SORCS2: variants seen among roughly 807,000 people sequenced by gnomAD.
SORCS2 encodes the protein VPS10 domain-containing receptor SorCS2.
A neutral mutation model predicts 141.6 loss-of-function variants in SORCS2; 100 were observed. That is an observed-to-expected ratio of 0.71 (90% CI 0.60 to 0.83). The LOEUF is 0.83. Ranked by LOEUF, SORCS2 falls within the 40% of genes least tolerant of loss-of-function variation. SORCS2 has a pLI of 0.00. For synonymous variants in SORCS2, 789 were observed against 676.9 expected (o/e 1.17, Z -2.57); for missense variants, 1,646 against 1,560.2 (o/e 1.05, Z -0.93).
rs1716671912 is a variant in SORCS2, at chr4:7,588,231, A to G, written c.649-50097A>G. Among the ~76,000 whole-genome samples the G allele has an allele frequency of 3.3e-5, 5 of 152,202 alleles. No homozygotes were observed. The South Asian group carries it at 1.0e-3, about 32-fold the overall frequency. On this transcript the variant is annotated intron_variant, in intron 3 of 26. Transcript: ENST00000507866. ...AAACCGCATTGAGAGCCCATTTCTC[A>G]AGTGTCACTTTGGAGCCGGCTTCGG...
At chr4:7,416,536 AC>A (rs1401828979) in intron 2 of SORCS2, among the ~76,000 whole-genome samples, 1 of 152,088 alleles carries the variant, frequency 6.6e-6, no homozygotes, top group Non-Finnish European at 1.5e-5. Flanking sequence ...ACACTCACAC[AC>A]GCCCACACGT....
At chr4:7,618,671 GC>G (rs1462611929) in intron 3 of SORCS2, among the ~76,000 whole-genome samples, 1 of 152,086 alleles carries the variant, frequency 6.6e-6, no homozygotes, top group Admixed American at 6.5e-5. Context: ...TGCCTAGGAG[GC>G]TTTTCTGCCT....
At chr4:7,552,425 G>A (rs1713782104) in intron 3 of SORCS2, among the ~76,000 whole-genome samples, 1 of 152,130 alleles carries the variant, frequency 6.6e-6, no homozygotes, top group Non-Finnish European at 1.5e-5. Flanking sequence ...CCACACAGAG[G>A]CTCCACTAGA....
chr4:7,441,129 G>A (rs750993819), intron 2 of SORCS2, among the ~76,000 whole-genome samples: 18 of 152,188 alleles, frequency 1.2e-4, no homozygotes, highest in Non-Finnish European at 2.4e-4. Flanking sequence ...AAGGGCGAAG[G>A]CCCCAGTGTG....
chr4:7,261,416 A>G (rs1714310851), intron 1 of SORCS2, among the ~76,000 whole-genome samples: 1 of 152,218 alleles, frequency 6.6e-6, no homozygotes, highest in Admixed American at 6.5e-5. Context: ...TTTGTCTGCC[A>G]TGCCTGCGTG....
At chr4:7,203,239 C>G (rs1448663066) in intron 1 of SORCS2, among the ~76,000 whole-genome samples, 1 of 152,194 alleles carries the variant, frequency 6.6e-6, no homozygotes, top group Non-Finnish European at 1.5e-5. Context: ...TGAGATCAGC[C>G]TGGCCAACAT....
intron 2 of SORCS2, among the ~76,000 whole-genome samples, chr4:7,400,384 A>G (rs555114240): frequency 1.3e-5 from 2 of 151,990 alleles, no homozygotes; most frequent in East Asian, 3.9e-4. Flanking sequence ...TTCCCTCACT[A>G]CTCAGTGCAA....
At chr4:7,689,690 G>A in intron 11 of SORCS2, 102 bp downstream of exon 11, 1 of 1,133,838 alleles carries the variant, frequency 8.8e-7, no homozygotes. Context: ...TGAGGCCATA[G>A]TATGTCCTTT....
intron 2 of SORCS2, among the ~76,000 whole-genome samples, chr4:7,505,952 G>A (rs778224802): frequency 1.4e-4 from 22 of 152,248 alleles, no homozygotes; most frequent in African/African-American, 4.3e-4. Context: ...CTCCACTTCC[G>A]CGGCTATAAA....
intron 2 of SORCS2, among the ~76,000 whole-genome samples, chr4:7,443,796 C>T (rs1046471792): frequency 3.3e-5 from 5 of 152,252 alleles, no homozygotes; most frequent in African/African-American, 9.6e-5. Flanking sequence ...CCCATGTGGC[C>T]TGGCCTCCTC....
chr4:7,347,187 C>A (rs910473003), intron 1 of SORCS2, among the ~76,000 whole-genome samples: 20 of 152,150 alleles, frequency 1.3e-4, no homozygotes, highest in African/African-American at 4.8e-4. Flanking sequence ...CTCCTTCAAG[C>A]CTTTGTGTTT....
chr4:7,556,186 C>T lies in SORCS2; in HGVS notation c.648+24557C>T, dbSNP rs148403170. ...AGGTGAGGGGTGATGGGGGTCTGGA[C>T]AGTGGGGCTGGGTTTTGGCAATGGG... On this transcript the variant is annotated intron_variant, in intron 3 of 26. Transcript: ENST00000507866. Among the ~76,000 whole-genome samples, 333 of 152,252 alleles carry T rather than the reference C, an allele frequency of 2.2e-3. 3 individuals carry two copies. The highest frequency in any genetic ancestry group is 0.013 in the South Asian group (64 of 4,824).
intron 14 of SORCS2, among the ~76,000 whole-genome samples, chr4:7,705,209 G>T (rs1380942657): frequency 6.6e-6 from 1 of 152,120 alleles, no homozygotes; most frequent in Non-Finnish European, 1.5e-5. Context: ...GTGGAGCTGT[G>T]CAGCTGCAAG....
chr4:7,704,887 G>A (rs1340870624), intron 14 of SORCS2, among the ~76,000 whole-genome samples: 1 of 152,192 alleles, frequency 6.6e-6, no homozygotes, highest in African/African-American at 2.4e-5. Flanking sequence ...TGTGAGCCCA[G>A]CTGATTCACA....
At chr4:7,408,206 T>G (rs1311252018) in intron 2 of SORCS2, among the ~76,000 whole-genome samples, 3 of 152,172 alleles carry the variant, frequency 2.0e-5, no homozygotes, top group African/African-American at 7.2e-5. Flanking sequence ...TTTTATGTAT[T>G]TTTTGCATGC....
At chr4:7,719,631 C>T (rs556829220) in intron 18 of SORCS2, among the ~76,000 whole-genome samples, 297 of 152,344 alleles carry the variant, frequency 1.9e-3, no homozygotes, top group Admixed American at 2.5e-3. Context: ...TTCGCAGCAG[C>T]ATCTTGGGGC....
At chr4:7,515,691 C>G (rs1560347832) in intron 2 of SORCS2, among the ~76,000 whole-genome samples, 1 of 152,114 alleles carries the variant, frequency 6.6e-6, no homozygotes, top group Non-Finnish European at 1.5e-5. Flanking sequence ...ATTCACGGAC[C>G]AGTTTCTGCT....
chr4:7,483,841 C>A (rs1017663669), intron 2 of SORCS2, among the ~76,000 whole-genome samples: 1 of 152,138 alleles, frequency 6.6e-6, no homozygotes, highest in East Asian at 1.9e-4. Context: ...GTGCAGCAAA[C>A]CACCATGGCA....
intron 1 of SORCS2, among the ~76,000 whole-genome samples, chr4:7,217,461 G>A (rs1728431237): frequency 6.6e-6 from 1 of 152,180 alleles, no homozygotes; most frequent in Admixed American, 6.5e-5. Context: ...TGGTTCCAGG[G>A]GCCAGAGCCT....
Sources: gnomAD v4.1 joint callset for allele counts (sites outside exome capture counted in the v4.1 genomes callset) on GRCh38, gnomAD v4.1.1 for gene constraint, MANE v1.5 for transcripts, NCBI Gene and HGNC (gene_info 2026-07-23, HGNC 2026-07-21) for gene names.